The following MOSMO variants were observed in gnomAD, a reference collection of about 807,000 sequenced individuals.
MOSMO encodes modulator of smoothened, also known as modulator of smoothened protein.
A neutral mutation model predicts 18.4 loss-of-function variants in MOSMO; 5 were observed. The ratio of observed to expected loss-of-function variants is 0.27; its 90% confidence interval spans 0.14 to 0.57. The LOEUF (loss-of-function observed/expected upper bound fraction) is 0.57. Among genes scored for constraint, MOSMO ranks in the 20% least tolerant of loss-of-function variants. MOSMO has a pLI of 0.92. For missense variants in MOSMO, 138 were observed against 211.8 expected (o/e 0.65, Z 2.16); for synonymous variants, 82 against 82.3 (o/e 1.00, Z 0.02).
chr16:22,019,383 C>T (rs1049205959), intron 1 of MOSMO, among the ~76,000 whole-genome samples: 8 of 152,154 alleles, frequency 5.3e-5, no homozygotes, highest in Non-Finnish European at 7.3e-5. Flanking sequence ...ACCCATCTTC[C>T]GAGCATATCA....
At chr16:22,047,768 G>A (rs1481689554) in intron 1 of MOSMO, among the ~76,000 whole-genome samples, 1 of 152,132 alleles carries the variant, frequency 6.6e-6, no homozygotes, top group Non-Finnish European at 1.5e-5. Context: ...CTGACACTGA[G>A]ACAGAGTTAG....
intron 1 of MOSMO, among the ~76,000 whole-genome samples, chr16:22,030,066 T>C (rs761244634): frequency 6.6e-6 from 1 of 152,212 alleles, no homozygotes; most frequent in South Asian, 2.1e-4. Flanking sequence ...TCTGGAAGTT[T>C]CCTAGCAAAA....
intron 1 of MOSMO, among the ~76,000 whole-genome samples, chr16:22,041,768 G>A (rs1033341494): frequency 6.6e-6 from 1 of 151,926 alleles, no homozygotes. Context: ...GCCTTGAACT[G>A]GGCTCAAGCA....
At chr16:22,059,456 T>A (rs1421475300) in intron 1 of MOSMO, among the ~76,000 whole-genome samples, 1 of 152,174 alleles carries the variant, frequency 6.6e-6, no homozygotes, top group Non-Finnish European at 1.5e-5. Context: ...ATTAAGATGG[T>A]GGGTGTATTA....
rs187344994 is a variant in MOSMO, at chr16:22,080,733, A to G, written c.357A>G (p.Ile119Met). The G allele has an allele frequency of 5.5e-5, 83 of 1,501,382 alleles. No individual in the cohort carries two copies. The East Asian group carries it at 9.2e-4, about 17-fold the overall frequency. The allele number at this position is 1,501,382 out of a possible 1,614,324, so 93.0% of individuals were successfully genotyped here. A position where few individuals can be genotyped will look rare whatever the true frequency, so the allele number is the denominator to read the frequency against. ...LFCMAALIFP[I>M]GFYINEVGGQ... ...GTATGGCTGCCCTAATATTTCCAAT[A>G]GGATTTTACATCAATGAAGTCGGAG... The change falls in exon 3 of 3, where the codon ATA becomes ATG. Residue 119 changes from isoleucine (I) to methionine (M), a missense_variant. Transcript: ENST00000542527.
chr16:22,039,544 T>A (rs1900171337), intron 1 of MOSMO, among the ~76,000 whole-genome samples: 1 of 152,164 alleles, frequency 6.6e-6, no homozygotes, highest in African/African-American at 2.4e-5. Context: ...CTTTAAAAGT[T>A]CATGAGCAGG....
At position 22,008,396 on chromosome 16, in the gene MOSMO, G is replaced by A. The variant is rs977168962; in HGVS notation, c.95G>A (p.Gly32Glu). The A allele has an allele frequency of 4.6e-6, 7 of 1,532,854 alleles. No individual in the cohort carries two copies. In the African/African-American group the frequency reaches 9.6e-5, roughly 21 times the overall value. 95.0% of individuals were successfully genotyped at this position (1,532,854 alleles called of 1,614,324 possible). A position where few individuals can be genotyped will look rare whatever the true frequency, so the allele number is the denominator to read the frequency against. Residue 32 changes from glycine (G) to glutamate (E), a missense_variant, in exon 1 of 3, where the codon GGG (glycine) becomes GAG (glutamate). Gly to Glu is a moderately conservative substitution (Grantham distance 98). Transcript: ENST00000542527. ...SIANPDWINT[G>E]ESAGALTVGL... ...GCCAACCCGGACTGGATCAACACCG[G>A]GGAGTCTGCGGGTGAGCCGCTGGCG...
intron 1 of MOSMO, among the ~76,000 whole-genome samples, chr16:22,048,801 A>G (rs1395549641): frequency 6.6e-6 from 1 of 152,046 alleles, no homozygotes; most frequent in Admixed American, 6.5e-5. Context: ...TACATTGAAA[A>G]GACTTTCCTA....
chr16:22,090,927 G>A (rs988163288), downstream of MOSMO, among the ~76,000 whole-genome samples: 1 of 152,148 alleles, frequency 6.6e-6, no homozygotes, highest in African/African-American at 2.4e-5. Context: ...GGAACAAAGA[G>A]TTTCCAGTGT....
At chr16:22,012,975 T>A (rs1899563619) in intron 1 of MOSMO, among the ~76,000 whole-genome samples, 1 of 152,084 alleles carries the variant, frequency 6.6e-6, no homozygotes, top group Non-Finnish European at 1.5e-5. Flanking sequence ...ATTGTATGTA[T>A]GGGGGAAGGC....
chr16:22,092,464 C>A, downstream of MOSMO: 3 of 685,966 alleles, frequency 4.4e-6, no homozygotes, highest in Middle Eastern at 4.2e-4. Context: ...TTCCCTTTCC[C>A]TGCCCCGAGC....
chr16:22,016,816 A>G (rs746563793), intron 1 of MOSMO, among the ~76,000 whole-genome samples: 13 of 152,176 alleles, frequency 8.5e-5, no homozygotes, highest in Non-Finnish European at 1.6e-4. Flanking sequence ...TCCAATAGTT[A>G]TGCAGGTTTA....
chr16:22,023,599 C>T (rs1899808209), intron 1 of MOSMO, among the ~76,000 whole-genome samples: 1 of 149,226 alleles, frequency 6.7e-6, no homozygotes, highest in Non-Finnish European at 1.5e-5. Context: ...TATCCATCAC[C>T]TCCTACTGTG....
At chr16:22,075,812 AC>A in intron 2 of MOSMO, 113 bp downstream of exon 2, 3 of 752,894 alleles carry the variant, frequency 4.0e-6, no homozygotes, top group Non-Finnish European at 6.7e-6. Flanking sequence ...AAAGAGCACC[AC>A]TTGTGTATGG....
At position 22,082,206 on chromosome 16, in the gene MOSMO, C is replaced by T. The variant is rs1334138791; in HGVS notation, c.*1326C>T. On this transcript the variant is annotated 3_prime_UTR_variant, in exon 3 of 3. Coordinates refer to ENST00000542527, the MANE Select transcript of MOSMO (RefSeq NM_001164579.2). Reference sequence around the variant, plus strand: ...CAAAACCTGAGCAATACAATATTTTCTTTATATGTTATATGCCTTTGTTTG... The same window carrying T: ...CAAAACCTGAGCAATACAATATTTTTTTTATATGTTATATGCCTTTGTTTG... 1 of 152,094 alleles carries T rather than the reference C, an allele frequency of 6.6e-6. No homozygotes were observed. 9.4% of individuals were successfully genotyped at this position (152,094 alleles called of 1,614,324 possible). A position where few individuals can be genotyped will look rare whatever the true frequency, so the allele number is the denominator to read the frequency against.
chr16:22,090,200 A>AGCCACACC (rs1401413853), downstream of MOSMO: 3 of 152,258 alleles, frequency 2.0e-5, no homozygotes, highest in African/African-American at 7.2e-5. Flanking sequence ...TACTGCTGGC[A>AGCCACACC]GCCACACCTG....
intron 1 of MOSMO, among the ~76,000 whole-genome samples, chr16:22,008,991 C>A (rs1231223134): frequency 6.6e-6 from 1 of 152,002 alleles, no homozygotes; most frequent in African/African-American, 2.4e-5. Flanking sequence ...CCCCACCAGG[C>A]AGGGTGAATG....
intron 1 of MOSMO, among the ~76,000 whole-genome samples, chr16:22,009,990 CAAAAAA>C (rs747232319): frequency 4.4e-4 from 66 of 150,384 alleles, no homozygotes; most frequent in Non-Finnish European, 7.5e-4. Context: ...GACTCTGTCT[CAAAAAA>C]AAGAAAAAGA....
chr16:22,032,188 C>CTTTTTT (rs1323183775), intron 1 of MOSMO, among the ~76,000 whole-genome samples: 18 of 132,672 alleles, frequency 1.4e-4, no homozygotes, highest in African/African-American at 1.6e-4. Context: ...CTACCCTTTT[C>CTTTTTT]TTTTTTTTTT....
Sources: allele counts gnomAD v4.1 joint callset (sites outside exome capture counted in the v4.1 genomes callset), GRCh38; gene constraint gnomAD v4.1.1; transcripts MANE v1.5; gene names NCBI Gene and HGNC (gene_info 2026-07-23, HGNC 2026-07-21).